The following FHOD3 variants were observed in gnomAD, a reference collection of about 807,000 sequenced individuals.
The protein encoded by FHOD3 is formin homology 2 domain containing 3.
A neutral mutation model predicts 173.0 loss-of-function variants in FHOD3; 90 were observed. That is an observed-to-expected ratio of 0.52 (90% CI 0.44 to 0.62). FHOD3 has a LOEUF of 0.62. FHOD3 is among the 20% of genes least tolerant of loss of function. The probability of loss-of-function intolerance (pLI) is 0.00; values close to 1 mark genes in which losing one functional copy is unlikely to be tolerated. For missense variants in FHOD3, 1,945 were observed against 2,034.7 expected, an observed-to-expected ratio of 0.96 and a Z score of 0.85; for synonymous variants, 828 against 823.0, an observed-to-expected ratio of 1.01 and a Z score of -0.10.
intron 23 of FHOD3, among the ~76,000 whole-genome samples, chr18:36,746,193 A>G (rs900539317): frequency 6.6e-6 from 1 of 151,964 alleles, no homozygotes; most frequent in Middle Eastern, 3.2e-3. Flanking sequence ...CACAGCCAGC[A>G]CTCTGTTACA....
chr18:36,297,802 C>A lies in FHOD3; in HGVS notation c.-34C>A. On this transcript the variant is annotated 5_prime_UTR_variant, in exon 1 of 29. Coordinates refer to ENST00000590592, the MANE Select transcript of FHOD3 (RefSeq NM_001281740.3). The stretch of plus-strand genomic sequence containing the variant: ...CGTCCCGGCCCGCGGCCCCGCTAAC[C>A]CCGGGGCCCGCGCCCCCGCGGCAGG... 6.7e-7 allele frequency: 1 copy of A among 1,490,258 alleles called. No individual in the cohort carries two copies. The highest frequency in any genetic ancestry group is 8.9e-7 in the Non-Finnish European group (1 of 1,117,876). 92.3% of individuals were successfully genotyped at this position (1,490,258 alleles called of 1,614,324 possible).
chr18:36,469,176 C>T lies in FHOD3; in HGVS notation c.338-32756C>T, dbSNP rs192159931. On this transcript the variant is annotated intron_variant, in intron 3 of 28. Coordinates refer to ENST00000590592, the MANE Select transcript of FHOD3 (RefSeq NM_001281740.3). ...CATATACCCTCTTCATCCTAAACCC[C>T]AGCCCCCATCCTATCACCAGGTATA... 5.9e-5 allele frequency among the ~76,000 whole-genome samples: 9 copies of T among 152,268 alleles called. No homozygotes were observed. In the East Asian group the frequency reaches 1.5e-3, roughly 26 times the overall value.
At chr18:36,303,231 G>T (rs12958664) in intron 1 of FHOD3, among the ~76,000 whole-genome samples, 2 of 152,044 alleles carry the variant, frequency 1.3e-5, no homozygotes, top group South Asian at 2.1e-4. Context: ...AGGTTGCCTA[G>T]GGCTATACTG....
intron 1 of FHOD3, among the ~76,000 whole-genome samples, chr18:36,348,916 G>A (rs1348404199): frequency 6.6e-6 from 1 of 152,216 alleles, no homozygotes; most frequent in Non-Finnish European, 1.5e-5. Flanking sequence ...TGCCATCCAG[G>A]TGCAGAGCAT....
At chr18:36,763,556 T>C (rs1428729333) in intron 27 of FHOD3, among the ~76,000 whole-genome samples, 2 of 143,624 alleles carry the variant, frequency 1.4e-5, no homozygotes, top group African/African-American at 5.1e-5. Context: ...TTATATATAA[T>C]ATGTGTATTA....
chr18:36,658,235 G>A (rs748574758), intron 14 of FHOD3, 47 bp downstream of exon 14: 3 of 1,319,922 alleles, frequency 2.3e-6, no homozygotes, highest in African/African-American at 3.1e-5. Flanking sequence ...TCAAGTGAGG[G>A]GAATCAATTT....
chr18:36,419,713 T>A (rs1468562560), intron 3 of FHOD3, among the ~76,000 whole-genome samples: 1 of 152,172 alleles, frequency 6.6e-6, no homozygotes, highest in Non-Finnish European at 1.5e-5. Flanking sequence ...AGTGAGTTAG[T>A]GTGTCTGACA....
At chr18:36,759,000 A>C (rs1336050300) in intron 25 of FHOD3, 118 bp from the exon 26 acceptor site, 19 of 1,108,880 alleles carry the variant, frequency 1.7e-5, no homozygotes, top group Non-Finnish European at 1.3e-6. Context: ...GGTTGTGGTG[A>C]CCAGTTTATT....
At chr18:36,671,418 T>C (rs540314573) in intron 14 of FHOD3, among the ~76,000 whole-genome samples, 34 of 152,402 alleles carry the variant, frequency 2.2e-4, no homozygotes, top group African/African-American at 7.9e-4. Flanking sequence ...TGCTGTTTCA[T>C]AGATTTTTTC....
At chr18:36,313,097 A>G (rs938298844) in intron 1 of FHOD3, among the ~76,000 whole-genome samples, 45 of 152,046 alleles carry the variant, frequency 3.0e-4, no homozygotes, top group African/African-American at 1.0e-3. Context: ...GGGTAGGTGG[A>G]CTTCTTATGT....
chr18:36,709,067 A>G (rs754953591), intron 17 of FHOD3, 28 bp from the exon 18 acceptor site: 6 of 1,601,966 alleles, frequency 3.7e-6, no homozygotes, highest in Middle Eastern at 1.7e-4. Context: ...TCTGTCGTCA[A>G]TATAATCTCC....
In FHOD3 at chr18:36,602,686, G is replaced by A. The variant is rs755728970; in HGVS notation, c.731G>A (p.Trp244Ter). The change falls in exon 8 of 29, where the codon TGG becomes TAG. Residue 244 changes from tryptophan to a stop codon, truncating the protein, a stop_gained. Transcript: ENST00000590592. LOFTEE classifies it high-confidence loss of function. Reference protein sequence around the residue: ...AVDTKRGVKPWSNIMEILEEK... With the variant: ...AVDTKRGVKP Reference sequence around the variant, plus strand: ...GCTTTACTCATAGGGGTCAAACCTTGGTCAAATATCATGGAAATCCTGGAG... The same window carrying A: ...GCTTTACTCATAGGGGTCAAACCTTAGTCAAATATCATGGAAATCCTGGAG... The A allele has an allele frequency of 6.2e-7, 1 of 1,613,692 alleles. No homozygotes were observed. The highest frequency in any genetic ancestry group is 1.3e-5 in the African/African-American group (1 of 74,892).
At chr18:36,308,665 C>T (rs757808073) in intron 1 of FHOD3, among the ~76,000 whole-genome samples, 14 of 152,192 alleles carry the variant, frequency 9.2e-5, no homozygotes, top group African/African-American at 2.2e-4. Context: ...CCTGTGGCTG[C>T]GTCCCTCCAC....
chr18:36,387,719 C>T (rs1000660463), intron 3 of FHOD3, among the ~76,000 whole-genome samples: 2 of 152,182 alleles, frequency 1.3e-5, no homozygotes, highest in Non-Finnish European at 2.9e-5. Context: ...TGAACTTCAT[C>T]CCACATCCAT....
chr18:36,717,623 G>C (rs2149763818), intron 18 of FHOD3, among the ~76,000 whole-genome samples: 1 of 152,284 alleles, frequency 6.6e-6, no homozygotes, highest in East Asian at 1.9e-4. Context: ...ATGCCTGGAA[G>C]AGTCTTGGGT....
intron 1 of FHOD3, among the ~76,000 whole-genome samples, chr18:36,336,562 C>T (rs1033722785): frequency 1.9e-4 from 29 of 152,012 alleles, no homozygotes; most frequent in African/African-American, 6.5e-4. Context: ...TTTGGCTGAA[C>T]GCAGTGGCTC....
chr18:36,401,506 G>A (rs552682837), intron 3 of FHOD3, among the ~76,000 whole-genome samples: 1 of 152,340 alleles, frequency 6.6e-6, no homozygotes, highest in African/African-American at 2.4e-5. Flanking sequence ...AAGAGCATGA[G>A]AAGGAGGGGT....
chr18:36,765,399 C>A (rs551144514), intron 27 of FHOD3, among the ~76,000 whole-genome samples: 1 of 152,256 alleles, frequency 6.6e-6, no homozygotes, highest in Admixed American at 6.5e-5. Context: ...ACTTCAGTCT[C>A]TACGTTCTTC....
chr18:36,447,291 G>A (rs909925249), intron 3 of FHOD3, among the ~76,000 whole-genome samples: 5 of 152,074 alleles, frequency 3.3e-5, no homozygotes, highest in African/African-American at 7.2e-5. Context: ...GGTCAACCTC[G>A]TGTCACTGCA....
Sources: allele counts gnomAD v4.1 joint callset (sites outside exome capture counted in the v4.1 genomes callset), GRCh38; gene constraint gnomAD v4.1.1; transcripts MANE v1.5; gene names NCBI Gene and HGNC (gene_info 2026-07-23, HGNC 2026-07-21).